Variants in DMRT1 observed in about 807,000 individuals in gnomAD.
DMRT1 encodes doublesex and mab-3 related transcription factor 1, also known as doublesex- and mab-3-related transcription factor 1.
Under a neutral mutation model 32.3 loss-of-function variants are expected in DMRT1, and 7 were observed. The ratio of observed to expected loss-of-function variants is 0.22; its 90% CI spans 0.12 to 0.41. DMRT1 has a LOEUF of 0.41. DMRT1 is among the 10% of genes least tolerant of loss of function. The pLI is 1.00. For missense variants in DMRT1, 625 were observed against 500.5 expected (o/e 1.25, Z -2.37); for synonymous variants, 278 against 206.1 (o/e 1.35, Z -2.99).
intron 2 of DMRT1, among the ~76,000 whole-genome samples, chr9:867,156 G>A (rs1056287336): frequency 3.9e-5 from 6 of 152,110 alleles, no homozygotes; most frequent in Non-Finnish European, 7.4e-5. Flanking sequence ...GGGAACAAAA[G>A]CATGCATCTA....
chr9:941,628 C>A (rs930078089), intron 4 of DMRT1, among the ~76,000 whole-genome samples: 7 of 152,018 alleles, frequency 4.6e-5, no homozygotes, highest in African/African-American at 1.7e-4. Context: ...GATGGTTACA[C>A]AGCAGCCTGA....
At chr9:868,314 G>A (rs1267760092) in intron 2 of DMRT1, among the ~76,000 whole-genome samples, 1 of 152,148 alleles carries the variant, frequency 6.6e-6, no homozygotes, top group Non-Finnish European at 1.5e-5. Context: ...CATTATCCTG[G>A]ATCTTACAGG....
intron 2 of DMRT1, among the ~76,000 whole-genome samples, chr9:850,381 G>C (rs1323833808): frequency 1.3e-5 from 2 of 152,176 alleles, no homozygotes; most frequent in African/African-American, 2.4e-5. Flanking sequence ...ATGCAGCAAA[G>C]GGAGCTTCTT....
At chr9:864,535 G>A (rs1251889078) in intron 2 of DMRT1, among the ~76,000 whole-genome samples, 2 of 105,300 alleles carry the variant, frequency 1.9e-5, no homozygotes, top group African/African-American at 3.8e-5. Flanking sequence ...GTCTTGCTCT[G>A]TCGCCCAGGC....
intron 2 of DMRT1, among the ~76,000 whole-genome samples, chr9:857,359 C>T (rs1815442504): frequency 6.6e-6 from 1 of 151,928 alleles, no homozygotes; most frequent in Non-Finnish European, 1.5e-5. Context: ...TATATATATT[C>T]AGTCTTTGAA....
Position 901,420 on chromosome 9 carries a change from G to A in DMRT1, c.822+7225G>A, listed in dbSNP as rs112467143. ...CGGCTCACTGCAACCTCTGCCTCCC[G>A]GGTTCAAGCGATTCTCCTGCCTCAG... On this transcript the variant is annotated intron_variant, in intron 3 of 4. Transcript: ENST00000382276. Among the ~76,000 whole-genome samples, 215 of 151,882 alleles carry A rather than the reference G, an allele frequency of 1.4e-3. 1 individual carries two copies. Among genetic ancestry groups the A allele is most frequent in the Middle Eastern group, 6.9e-3 (2 of 290 alleles).
At chr9:882,928 T>G (rs1248205632) in intron 2 of DMRT1, among the ~76,000 whole-genome samples, 1 of 151,706 alleles carries the variant, frequency 6.6e-6, no homozygotes. Context: ...CCTGCCACCA[T>G]GCCCGGCTAA....
chr9:862,163 G>C (rs989069991), intron 2 of DMRT1, among the ~76,000 whole-genome samples: 45 of 150,642 alleles, frequency 3.0e-4, no homozygotes, highest in South Asian at 6.4e-4. Context: ...CTGGGAGGTG[G>C]AGGTTGTAGC....
intron 2 of DMRT1, among the ~76,000 whole-genome samples, chr9:867,332 G>A (rs143984996): frequency 1.8e-4 from 27 of 152,312 alleles, no homozygotes; most frequent in African/African-American, 6.3e-4. Flanking sequence ...TATGAATCAC[G>A]TTTTCCTAAT....
chr9:891,769 C>T (rs1051377647), intron 2 of DMRT1, among the ~76,000 whole-genome samples: 13 of 152,078 alleles, frequency 8.5e-5, no homozygotes, highest in Non-Finnish European at 1.9e-4. Context: ...CGTGAATCAC[C>T]TGCCTCGGCC....
At chr9:946,641 T>C (rs1003104533) in intron 4 of DMRT1, among the ~76,000 whole-genome samples, 8 of 152,194 alleles carry the variant, frequency 5.3e-5, no homozygotes, top group Admixed American at 3.3e-4. Context: ...GTAAAGAGCC[T>C]TGTGACTTTC....
intron 3 of DMRT1, among the ~76,000 whole-genome samples, chr9:895,618 T>C (rs973063658): frequency 6.6e-6 from 1 of 152,168 alleles, no homozygotes; most frequent in Non-Finnish European, 1.5e-5. Context: ...TGCACAATGA[T>C]TGCCACAATT....
At chr9:889,165 T>C (rs1817047670) in intron 2 of DMRT1, among the ~76,000 whole-genome samples, 1 of 152,144 alleles carries the variant, frequency 6.6e-6, no homozygotes, top group South Asian at 2.1e-4. Context: ...TTGACAGATA[T>C]TAATTTCAAC....
At chr9:860,158 G>A (rs1962757) in intron 2 of DMRT1, among the ~76,000 whole-genome samples, 50,161 of 151,848 alleles carry the variant, frequency 0.33, 9,351 homozygotes, top group African/African-American at 0.52. Flanking sequence ...TTAGCCGGGC[G>A]TGGTGGCGCA....
chr9:868,118 C>T (rs931248992), intron 2 of DMRT1, among the ~76,000 whole-genome samples: 4 of 152,190 alleles, frequency 2.6e-5, no homozygotes, highest in Non-Finnish European at 5.9e-5. Context: ...GCTGGGACTA[C>T]AGGCGCAAGC....
At chr9:870,146 G>C (rs777600659) in intron 2 of DMRT1, among the ~76,000 whole-genome samples, 1 of 152,108 alleles carries the variant, frequency 6.6e-6, no homozygotes, top group Non-Finnish European at 1.5e-5. Flanking sequence ...GCCTGTAATC[G>C]CAATACTTTG....
At chr9:860,949 A>G (rs1815631686) in intron 2 of DMRT1, among the ~76,000 whole-genome samples, 1 of 152,074 alleles carries the variant, frequency 6.6e-6, no homozygotes, top group Non-Finnish European at 1.5e-5. Context: ...AAGGGCGCAC[A>G]GCTGCCTGTG....
chr9:903,262 C>T lies in DMRT1; in HGVS notation c.822+9067C>T, dbSNP rs140526984. Among the ~76,000 whole-genome samples, 461 of 150,852 alleles carry T rather than the reference C, an allele frequency of 3.1e-3. 2 individuals are homozygous for T. Among genetic ancestry groups the T allele is most frequent in the African/African-American group, 0.01 (429 of 41,130 alleles). ...CTGTAAGGAGCAGTGAGAGTCCTTG[C>T]CCACCCCCACCCACATTACTCCTCT... On this transcript the variant is annotated intron_variant, in intron 3 of 4. Coordinates refer to ENST00000382276, the MANE Select transcript of DMRT1 (RefSeq NM_021951.3).
At chr9:874,146 C>G (rs77253522) in intron 2 of DMRT1, among the ~76,000 whole-genome samples, 11,957 of 152,200 alleles carry the variant, frequency 0.079, 765 homozygotes, top group East Asian at 0.19. Context: ...CTCTTTTCTC[C>G]TCATGTGTAT....
Sources: gnomAD v4.1 joint callset for allele counts (sites outside exome capture counted in the v4.1 genomes callset) on GRCh38, gnomAD v4.1.1 for gene constraint, MANE v1.5 for transcripts, NCBI Gene and HGNC (gene_info 2026-07-23, HGNC 2026-07-21) for gene names.